NYNRIN: variants seen among roughly 807,000 people sequenced by gnomAD.
NYNRIN encodes NYN domain and retroviral integrase containing.
NYNRIN carries 86 observed loss-of-function variants against 146.6 expected under a neutral mutation model. The ratio of observed to expected loss-of-function variants is 0.59; its 90% confidence interval spans 0.49 to 0.70. The LOEUF (loss-of-function observed/expected upper bound fraction) is 0.70. Ranked by LOEUF, NYNRIN falls within the 30% of genes least tolerant of loss-of-function variation. The probability of loss-of-function intolerance (pLI) is 0.00; values close to 1 mark genes in which losing one functional copy is unlikely to be tolerated. For synonymous variants in NYNRIN, 1,027 were observed against 1,001.3 expected (o/e 1.03, Z -0.48); for missense variants, 2,191 against 2,377.7 (o/e 0.92, Z 1.63).
At chr14:24,399,163 T>TGGGGATG in intron 1 of NYNRIN, 67 bp from the exon 2 acceptor site, 2 of 1,330,730 alleles carry the variant, frequency 1.5e-6, no homozygotes, top group Non-Finnish European at 2.1e-6. Context: ...CTTAGGCGCC[T>TGGGGATG]GGGGCTGGGG....
In NYNRIN at chr14:24,411,616, TG is replaced by T. The variant is rs1374513827; in HGVS notation, c.2642+169del. On this transcript the variant is annotated intron_variant, in intron 6 of 8. Coordinates refer to ENST00000382554, the MANE Select transcript of NYNRIN (RefSeq NM_025081.3). The surrounding 1 kb of genome is among the most constrained non-coding windows in gnomAD (Gnocchi z 4.3). ...GCACGGGCATCTGTCAGCAGAGGGA[TG>T]GGCACATTGAGGAAAGGGCTTGAGG... Among the ~76,000 whole-genome samples the T allele has an allele frequency of 1.3e-5, 2 of 152,128 alleles. No homozygotes were observed. The highest frequency in any genetic ancestry group is 2.9e-5 in the Non-Finnish European group (2 of 68,016).
At chr14:24,401,188 A>G (rs2042840731) in intron 2 of NYNRIN, among the ~76,000 whole-genome samples, 1 of 152,046 alleles carries the variant, frequency 6.6e-6, no homozygotes, top group African/African-American at 2.4e-5. Flanking sequence ...CTGCTGCTTC[A>G]GGGTTCTTCG....
At position 24,409,478 on chromosome 14, in the gene NYNRIN, C is replaced by T; in HGVS notation, c.1684C>T (p.Gln562Ter). The T allele has an allele frequency of 6.2e-7, 1 of 1,613,936 alleles. No homozygotes were observed. The highest frequency in any genetic ancestry group is 8.5e-7 in the Non-Finnish European group (1 of 1,179,878). The change falls in exon 4 of 9, where the codon CAA becomes TAA. Residue 562 changes from glutamine (Q) to a stop codon, truncating the protein, a stop_gained. Coordinates refer to ENST00000382554, the MANE Select transcript of NYNRIN (RefSeq NM_025081.3). LOFTEE classifies it high-confidence loss of function. ...VPKAENPSRT[Q>*]VPSAAPKLPT... is the part of the protein sequence containing the mutation. The stretch of plus-strand genomic sequence containing the variant: ...CAAAGCTGAAAATCCCTCCAGAACT[C>T]AAGTGCCATCTGCAGCTCCCAAACT...
In NYNRIN at chr14:24,416,117, G is replaced by C. The variant is rs1240600586; in HGVS notation, c.4368G>C (p.Trp1456Cys). The change falls in exon 9 of 9, where the codon TGG (tryptophan) becomes TGC (cysteine). Residue 1456 changes from tryptophan (W) to cysteine (C), a missense_variant. Physicochemically the swap from Trp to Cys is radical, Grantham distance 215. Transcript: ENST00000382554. ...GTGCCCAGGGGGGTGGGCAGTGGTG[G>C]AGTTTGCCAAAGGATGTGCCAGCCC... Reference protein sequence around the residue: ...KQGAQGGGQWWSLPKDVPAPT... With the variant: ...KQGAQGGGQWCSLPKDVPAPT... 6 of 1,613,880 alleles carry C rather than the reference G, an allele frequency of 3.7e-6. No homozygotes were observed. The highest frequency in any genetic ancestry group is 1.3e-5 in the African/African-American group (1 of 74,918).
At chr14:24,406,156 T>C (rs2042873721) in intron 2 of NYNRIN, among the ~76,000 whole-genome samples, 1 of 150,872 alleles carries the variant, frequency 6.6e-6, no homozygotes, top group Non-Finnish European at 1.5e-5. Context: ...CCTCTAGCTG[T>C]GCCACTGTAC....
Position 24,417,194 on chromosome 14 carries a change from G to T in NYNRIN, c.5445G>T (p.Arg1815Ser), listed in dbSNP as rs1355473794. ...AGGCGAGTGAAAAGGCCGAGAACAGGCGTTTCAAGCGGGAGAGCCAGGAGA... is the reference window on the plus strand; with the variant it reads ...AGGCGAGTGAAAAGGCCGAGAACAGTCGTTTCAAGCGGGAGAGCCAGGAGA... ...ADKASEKAEN[R>S]RFKRESQEKE... Residue 1815 changes from arginine (R) to serine (S), a missense_variant, in exon 9 of 9, where the codon AGG becomes AGT. This residue lies in a region of NYNRIN where 1,291 missense variants were observed against 1,417.0 expected (regional missense o/e 0.91). Transcript: ENST00000382554. 1.9e-6 allele frequency: 3 copies of T among 1,613,954 alleles called. No homozygotes were observed. In the South Asian group the frequency reaches 3.3e-5, roughly 18 times the overall value.
intron 2 of NYNRIN, among the ~76,000 whole-genome samples, chr14:24,401,653 C>A (rs943537188): frequency 1.3e-5 from 2 of 152,150 alleles, no homozygotes; most frequent in African/African-American, 2.4e-5. Flanking sequence ...ATACCTGGTT[C>A]ATGAAGAGTT....
rs1294320362 is a variant in NYNRIN at position 24,416,141 on chromosome 14, C to T, written c.4392C>T (p.Ala1464=). ...QWWSLPKDVP[A]PTVSPHAMGK... ...GGAGTTTGCCAAAGGATGTGCCAGC[C>T]CCTACAGTGAGTCCCCATGCCATGG... The change falls in exon 9 of 9, where the codon GCC becomes GCT. Residue 1464 remains alanine (A), a synonymous_variant. Coordinates refer to ENST00000382554, the MANE Select transcript of NYNRIN (RefSeq NM_025081.3). The T allele has an allele frequency of 6.2e-7, 1 of 1,613,868 alleles. No homozygotes were observed. The highest frequency in any genetic ancestry group is 8.5e-7 in the Non-Finnish European group (1 of 1,179,892).
rs2139356664 is a variant in NYNRIN, at chr14:24,417,464, GC to G, written c.*23del. 6.9e-7 allele frequency: 1 copy of G among 1,451,130 alleles called. No individual in the cohort carries two copies. The highest frequency in any genetic ancestry group is 9.1e-7 in the Non-Finnish European group (1 of 1,102,940). 89.9% of individuals were successfully genotyped at this position (1,451,130 alleles called of 1,614,324 possible). Reference sequence around the variant, plus strand: ...AGCAGTGAGCGGGAGCAGCGGGGGTGCCCCCTGCCCCAGGGCCGTGGGTTTC... The same window carrying G: ...AGCAGTGAGCGGGAGCAGCGGGGGTGCCCCTGCCCCAGGGCCGTGGGTTTC... On this transcript the variant is annotated 3_prime_UTR_variant, in exon 9 of 9. Transcript: ENST00000382554.
At position 24,417,492 on chromosome 14, in the gene NYNRIN, G is replaced by C; in HGVS notation, c.*46G>C. 4 of 1,435,814 alleles carry C rather than the reference G, an allele frequency of 2.8e-6. No individual in the cohort carries two copies. Among genetic ancestry groups the C allele is most frequent in the Non-Finnish European group, 3.6e-6 (4 of 1,098,836 alleles). The allele number at this position is 1,435,814 out of a possible 1,614,324, so 88.9% of individuals were successfully genotyped here. ...CCCTGCCCCAGGGCCGTGGGTTTCT[G>C]CTGCTAGGCCTCCCCCTGTCCCAGC... On this transcript the variant is annotated 3_prime_UTR_variant, in exon 9 of 9. Transcript: ENST00000382554.
At chr14:24,407,722 G>A (rs1050732031) in intron 2 of NYNRIN, 147 bp from the exon 3 acceptor site, 11 of 679,006 alleles carry the variant, frequency 1.6e-5, no homozygotes, top group Non-Finnish European at 2.7e-5. Context: ...GCTGGCCATG[G>A]GGGAGTCATT....
intron 6 of NYNRIN, 62 bp from the exon 7 acceptor site, chr14:24,412,935 G>T: frequency 9.1e-7 from 1 of 1,094,276 alleles, no homozygotes. Context: ...TATTTTCCCA[G>T]ATGACCCAGG....
Position 24,415,113 on chromosome 14 carries a change from C to T in NYNRIN, c.3364C>T (p.Leu1122Phe). 7 of 1,607,456 alleles carry T rather than the reference C, an allele frequency of 4.4e-6. No individual in the cohort carries two copies. Among genetic ancestry groups the T allele is most frequent in the Non-Finnish European group, 5.9e-6 (7 of 1,179,604 alleles). ...EALVGPLHSL[L>F]KQKPDWQWDQ... ...CCTAGTGGGCCCCCTGCACAGCCTC[C>T]TCAAGCAGAAGCCTGACTGGCAGTG... is the stretch of plus-strand genomic sequence containing the variant. Residue 1122 changes from leucine to phenylalanine, a missense_variant, in exon 9 of 9, where the codon CTC (leucine) becomes TTC (phenylalanine). Coordinates refer to ENST00000382554, the MANE Select transcript of NYNRIN (RefSeq NM_025081.3).
Position 24,417,297 on chromosome 14 carries a change from T to A in NYNRIN, c.5548T>A (p.Phe1850Ile). ...CAGCAGTGCCAAATGGGTGGGTCCC[T>A]TCTATATCGGGGACCGGCTGAGCCT... ...NGSSAKWVGP[F>I]YIGDRLSLSL... The change falls in exon 9 of 9, where the codon TTC (phenylalanine) becomes ATC (isoleucine). Residue 1850 changes from phenylalanine to isoleucine, a missense_variant. This residue lies in a region of NYNRIN where 1,291 missense variants were observed against 1,417.0 expected (regional missense o/e 0.91). Transcript: ENST00000382554. The A allele has an allele frequency of 6.2e-7, 1 of 1,613,824 alleles. No individual in the cohort carries two copies. Among genetic ancestry groups the A allele is most frequent in the Non-Finnish European group, 8.5e-7 (1 of 1,179,772 alleles).
At chr14:24,413,925 G>A (rs1266270127) in intron 8 of NYNRIN, among the ~76,000 whole-genome samples, 1 of 152,166 alleles carries the variant, frequency 6.6e-6, no homozygotes, top group Non-Finnish European at 1.5e-5. Flanking sequence ...CGTCTCATTC[G>A]ATCCTCACAA....
Position 24,416,142 on chromosome 14 carries a change from C to T in NYNRIN, c.4393C>T (p.Pro1465Ser). The T allele has an allele frequency of 6.2e-7, 1 of 1,613,992 alleles. No homozygotes were observed. The highest frequency in any genetic ancestry group is 2.2e-5 in the East Asian group (1 of 44,876). Residue 1465 changes from proline (P) to serine (S), a missense_variant, in exon 9 of 9, where the codon CCT (proline) becomes TCT (serine). Transcript: ENST00000382554. ...GAGTTTGCCAAAGGATGTGCCAGCC[C>T]CTACAGTGAGTCCCCATGCCATGGG... ...WWSLPKDVPA[P>S]TVSPHAMGKR...
At chr14:24,410,678 A>T (rs2042906882) in intron 4 of NYNRIN, among the ~76,000 whole-genome samples, 1 of 152,214 alleles carries the variant, frequency 6.6e-6, no homozygotes, top group Non-Finnish European at 1.5e-5. Context: ...TAGCATAAAC[A>T]TGTGCATGCC....
chr14:24,409,134 G>T lies in NYNRIN; in HGVS notation c.1340G>T (p.Cys447Phe). The change falls in exon 4 of 9, where the codon TGC (cysteine) becomes TTC (phenylalanine). Residue 447 changes from cysteine (C) to phenylalanine (F), a missense_variant. By Grantham distance (205) the Cys-to-Phe change is radical. Around this residue, in one of 3 missense-constraint regions of NYNRIN, gnomAD observed 895 missense variants for 941.2 expected, o/e 0.95. Coordinates refer to ENST00000382554, the MANE Select transcript of NYNRIN (RefSeq NM_025081.3). The stretch of plus-strand genomic sequence containing the variant: ...GGAGGAGAAGCAGCCCTGCAGAATT[G>T]CCCAAGGCCAGAGATTTCCCCAAAA... ...GLGGEAALQN[C>F]PRPEISPKVT... 6.2e-7 allele frequency: 1 copy of T among 1,613,864 alleles called. No homozygotes were observed. Among genetic ancestry groups the T allele is most frequent in the Non-Finnish European group, 8.5e-7 (1 of 1,179,868 alleles).
At chr14:24,410,984 C>A in intron 4 of NYNRIN, 92 bp from the exon 5 acceptor site, 1 of 1,498,696 alleles carries the variant, frequency 6.7e-7, no homozygotes. Flanking sequence ...CATTGGTGTC[C>A]TTGGTGCTGG....
Sources: allele counts gnomAD v4.1 joint callset (sites outside exome capture counted in the v4.1 genomes callset), GRCh38; gene constraint gnomAD v4.1.1; regional missense constraint gnomAD v4.1.1; non-coding constraint Gnocchi (gnomAD v3.1); transcripts MANE v1.5; gene names NCBI Gene and HGNC (gene_info 2026-07-23, HGNC 2026-07-21).